STK33: variants seen among roughly 807,000 people sequenced by gnomAD.
The protein encoded by STK33 is serine/threonine-protein kinase 33.
A neutral mutation model predicts 58.0 loss-of-function variants in STK33; 52 were observed. That is an observed-to-expected ratio of 0.90 (90% CI 0.72 to 1.13). The LOEUF is 1.13. STK33 is among the 50% of genes most tolerant of loss of function. STK33 has a pLI of 0.00. For synonymous variants in STK33, 215 were observed against 200.1 expected (o/e 1.07, Z -0.63); for missense variants, 630 against 604.2 (o/e 1.04, Z -0.45).
chr11:8,512,960 G>C (rs1432148259), intron 1 of STK33, among the ~76,000 whole-genome samples: 3 of 151,986 alleles, frequency 2.0e-5, no homozygotes, highest in Non-Finnish European at 4.4e-5. Context: ...GATTTCTCAA[G>C]GACTTACTAT....
intron 10 of STK33, among the ~76,000 whole-genome samples, 195 bp from the exon 11 acceptor site, chr11:8,453,101 A>C (rs756769273): frequency 6.6e-5 from 10 of 152,222 alleles, no homozygotes; most frequent in Non-Finnish European, 1.5e-4. Flanking sequence ...AACTGGGTAA[A>C]GAGAAGCTTG....
intron 1 of STK33, among the ~76,000 whole-genome samples, chr11:8,500,510 G>A (rs1198693465): frequency 6.6e-6 from 1 of 152,064 alleles, no homozygotes; most frequent in Non-Finnish European, 1.5e-5. Flanking sequence ...CAGAATAAGT[G>A]CAAGACTTGT....
At chr11:8,336,819 G>A in the STK33 span, among the ~76,000 whole-genome samples, 1 of 152,272 alleles carries the variant, frequency 6.6e-6, no homozygotes. Flanking sequence ...GGCGGTGGCT[G>A]TGGGGCCCGC....
chr11:8,455,061 C>T (rs193273378), intron 9 of STK33, among the ~76,000 whole-genome samples: 182 of 152,246 alleles, frequency 1.2e-3, no homozygotes, highest in Non-Finnish European at 1.9e-3. Context: ...CCCTGTGACC[C>T]CAGCTGGCTG....
chr11:8,340,206 C>T, the STK33 span, among the ~76,000 whole-genome samples: 1 of 152,148 alleles, frequency 6.6e-6, no homozygotes, highest in Admixed American at 6.5e-5. Context: ...AATGAAGGGG[C>T]TTCCCTTGAT....
the STK33 span, among the ~76,000 whole-genome samples, chr11:8,378,347 C>T: frequency 6.6e-6 from 1 of 152,126 alleles, no homozygotes; most frequent in Non-Finnish European, 1.5e-5. Context: ...GGAGAAACCC[C>T]GTCTCTAATA....
At chr11:8,549,585 G>T (rs1220922904) in intron 1 of STK33, among the ~76,000 whole-genome samples, 1 of 151,962 alleles carries the variant, frequency 6.6e-6, no homozygotes, top group African/African-American at 2.4e-5. Flanking sequence ...TTACACATTT[G>T]TTAGAATTCA....
intron 15 of STK33, among the ~76,000 whole-genome samples, chr11:8,408,467 G>A (rs561193378): frequency 1.3e-5 from 2 of 152,310 alleles, no homozygotes; most frequent in South Asian, 2.1e-4. Flanking sequence ...TTGTGTGGGA[G>A]TAGAAGTAGG....
At chr11:8,448,902 T>C (rs1050125949) in intron 11 of STK33, among the ~76,000 whole-genome samples, 2 of 148,122 alleles carry the variant, frequency 1.4e-5, no homozygotes, top group African/African-American at 5.3e-5. Flanking sequence ...AGGGCTAATA[T>C]CCAGAATCTA....
chr11:8,499,733 T>C (rs1591502091), intron 1 of STK33, among the ~76,000 whole-genome samples: 1 of 152,124 alleles, frequency 6.6e-6, no homozygotes, highest in Non-Finnish European at 1.5e-5. Flanking sequence ...TGGAATACTA[T>C]GCAGCCATAA....
At chr11:8,434,246 CAAAAAAA>C in intron 14 of STK33, 21 of 91,910 alleles carry the variant, frequency 2.3e-4, no homozygotes, top group South Asian at 1.4e-3. Flanking sequence ...GACTCCGTCT[CAAAAAAA>C]AAAAAAAAAA....
chr11:8,421,098 T>C (rs1375067429), intron 14 of STK33, among the ~76,000 whole-genome samples: 1 of 152,218 alleles, frequency 6.6e-6, no homozygotes, highest in Non-Finnish European at 1.5e-5. Context: ...TTATAACTTA[T>C]CAGCTTTCCT....
chr11:8,439,896 T>TTA (rs1421412646), intron 12 of STK33, among the ~76,000 whole-genome samples: 6 of 139,840 alleles, frequency 4.3e-5, no homozygotes, highest in Admixed American at 7.2e-5. Context: ...TCAGAGGCTT[T>TTA]TATATATATA....
chr11:8,540,159 C>T (rs1313041907), intron 1 of STK33, among the ~76,000 whole-genome samples: 1 of 152,010 alleles, frequency 6.6e-6, no homozygotes, highest in Non-Finnish European at 1.5e-5. Flanking sequence ...ATGAAAAAAC[C>T]TAAATGTCTG....
chr11:8,449,155 A>G (rs1159507155), intron 11 of STK33, among the ~76,000 whole-genome samples: 1 of 151,630 alleles, frequency 6.6e-6, no homozygotes, highest in Admixed American at 6.6e-5. Context: ...GAGGATGTGG[A>G]GAAATAGGAA....
chr11:8,348,334 A>G, the STK33 span, among the ~76,000 whole-genome samples: 2 of 152,066 alleles, frequency 1.3e-5, no homozygotes, highest in African/African-American at 4.8e-5. Flanking sequence ...ACCTCAGGAG[A>G]CTTACAATCT....
At chr11:8,568,523 C>T (rs1358591369) in intron 1 of STK33, among the ~76,000 whole-genome samples, 6 of 152,142 alleles carry the variant, frequency 3.9e-5, no homozygotes, top group African/African-American at 1.4e-4. Flanking sequence ...TATTAAAAGT[C>T]ATCAATAAGT....
intron 14 of STK33, among the ~76,000 whole-genome samples, chr11:8,419,053 T>C (rs748132319): frequency 1.3e-5 from 2 of 152,206 alleles, no homozygotes; most frequent in Non-Finnish European, 2.9e-5. Flanking sequence ...TTGTTGATAG[T>C]TTCTTGTACT....
intron 1 of STK33, among the ~76,000 whole-genome samples, chr11:8,564,303 T>C (rs1036650610): frequency 1.3e-5 from 2 of 152,184 alleles, no homozygotes; most frequent in East Asian, 1.9e-4. Flanking sequence ...ACTTTGGGCA[T>C]TGATGGATTA....
Sources: allele counts gnomAD v4.1 joint callset (sites outside exome capture counted in the v4.1 genomes callset), GRCh38; gene constraint gnomAD v4.1.1; transcripts MANE v1.5; gene names NCBI Gene and HGNC (gene_info 2026-07-23, HGNC 2026-07-21).